Variants in FILIP1L observed in about 807,000 individuals in gnomAD.
The protein encoded by FILIP1L is filamin A-interacting protein 1-like.
FILIP1L carries 55 observed loss-of-function variants against 96.6 expected under a neutral mutation model. That is an observed-to-expected ratio of 0.57 (90% CI 0.46 to 0.71). FILIP1L has a LOEUF of 0.71. FILIP1L is among the 30% of genes least tolerant of loss of function. The pLI, the probability that FILIP1L is intolerant of heterozygous loss-of-function variation, is 0.00. For missense variants in FILIP1L, 1,304 were observed against 1,321.2 expected (o/e 0.99, Z 0.20); for synonymous variants, 467 against 473.9 (o/e 0.99, Z 0.19).
At chr3:100,058,820 T>C (rs1454782521) in intron 1 of FILIP1L, among the ~76,000 whole-genome samples, 2 of 152,222 alleles carry the variant, frequency 1.3e-5, no homozygotes, top group Non-Finnish European at 1.5e-5. Flanking sequence ...GGAGCCACAG[T>C]TTCATATGTG....
At chr3:99,882,849 C>A (rs1215887949) in intron 4 of FILIP1L, among the ~76,000 whole-genome samples, 2 of 152,126 alleles carry the variant, frequency 1.3e-5, no homozygotes, top group African/African-American at 4.8e-5. Flanking sequence ...GAAATGTTTT[C>A]TTTTGTTGCA....
At chr3:99,927,096 TC>T (rs1707316730) in intron 3 of FILIP1L, among the ~76,000 whole-genome samples, 1 of 152,212 alleles carries the variant, frequency 6.6e-6, no homozygotes, top group African/African-American at 2.4e-5. Flanking sequence ...ACACTGGACT[TC>T]AGGCAGTTCT....
Position 100,110,483 on chromosome 3 carries a change from C to G in FILIP1L, c.-11+3570G>C, listed in dbSNP as rs142961859. ...GATCCATCATGAAGATACCTGTCATCCATTTCAAGCCACAAATAGAGAAAA... is the reference window on the plus strand; with the variant it reads ...GATCCATCATGAAGATACCTGTCATGCATTTCAAGCCACAAATAGAGAAAA... On this transcript the variant is annotated intron_variant, in intron 1 of 5. Coordinates refer to ENST00000477258, the MANE Select transcript of FILIP1L (RefSeq NM_001387850.1). 8.7e-3 allele frequency among the ~76,000 whole-genome samples: 1,327 copies of G among 152,214 alleles called. 8 individuals are homozygous for G. The highest frequency in any genetic ancestry group is 0.02 in the Middle Eastern group (6 of 294).
Position 99,830,564 on chromosome 3 carries a change from A to G in FILIP1L, c.3423T>C (p.Pro1141=), listed in dbSNP as rs1234078300. The G allele has an allele frequency of 4.4e-6, 2 of 456,570 alleles. No homozygotes were observed. Among genetic ancestry groups the G allele is most frequent in the Admixed American group, 2.3e-5 (1 of 42,566 alleles). The allele number at this position is 456,570 out of a possible 1,614,324, so 28.3% of individuals were successfully genotyped here. A position where few individuals can be genotyped will look rare whatever the true frequency, so the allele number is the denominator to read the frequency against. The change falls in exon 6 of 6, where the codon CCT becomes CCC. Residue 1141 remains proline (P), a synonymous_variant. Transcript: ENST00000477258. The part of the protein sequence containing the change: ...VCKQRIPARI[P]KPKSTGITKI... ...TGGTGATGCCTGTAGATTTCGGTTT[A>G]GGGATCCGTGCTGGGATTCTCTGCT...
intron 1 of FILIP1L, chr3:100,023,316 C>T (rs2064859126): frequency 2.0e-5 from 3 of 152,632 alleles, no homozygotes; most frequent in African/African-American, 7.2e-5. Flanking sequence ...TTTATGCAAA[C>T]AGAGCCTGGC....
intron 5 of FILIP1L, among the ~76,000 whole-genome samples, chr3:99,845,506 G>C (rs1292275112): frequency 2.0e-5 from 3 of 152,122 alleles, no homozygotes; most frequent in Non-Finnish European, 4.4e-5. Context: ...TTCATATGAA[G>C]ATTTCTGAAG....
chr3:99,862,885 G>A (rs1257931758), intron 4 of FILIP1L, among the ~76,000 whole-genome samples: 1 of 152,144 alleles, frequency 6.6e-6, no homozygotes, highest in Non-Finnish European at 1.5e-5. Context: ...TGCTGTGAAT[G>A]TCCAATATCC....
chr3:99,938,062 T>G (rs1559696093), intron 1 of FILIP1L, among the ~76,000 whole-genome samples: 1 of 92,048 alleles, frequency 1.1e-5, no homozygotes, highest in Non-Finnish European at 2.2e-5. Context: ...TGTGTGTGTG[T>G]GTGTGTGTGT....
At chr3:100,096,527 C>T (rs1170384199) in intron 1 of FILIP1L, among the ~76,000 whole-genome samples, 1 of 152,008 alleles carries the variant, frequency 6.6e-6, no homozygotes, top group Non-Finnish European at 1.5e-5. Context: ...ACAAACATCA[C>T]ATGTTCTGAC....
At chr3:99,971,718 G>T (rs1708827718) in intron 1 of FILIP1L, among the ~76,000 whole-genome samples, 1 of 152,172 alleles carries the variant, frequency 6.6e-6, no homozygotes, top group South Asian at 2.1e-4. Flanking sequence ...AGTCTGTATG[G>T]TAGGGTCTAG....
chr3:100,042,333 A>G (rs2065218929), intron 1 of FILIP1L, among the ~76,000 whole-genome samples: 1 of 152,310 alleles, frequency 6.6e-6, no homozygotes, highest in African/African-American at 2.4e-5. Flanking sequence ...AAGACCAGCC[A>G]GTAACAAAAA....
intron 4 of FILIP1L, among the ~76,000 whole-genome samples, chr3:99,879,004 G>A (rs1705631801): frequency 6.6e-6 from 1 of 152,192 alleles, no homozygotes; most frequent in Admixed American, 6.5e-5. Context: ...CCTCAAAATT[G>A]GATGAGAGAG....
intron 1 of FILIP1L, among the ~76,000 whole-genome samples, chr3:99,984,042 A>ATGTGTGTGTGTGTGTGTG (rs1709253903): frequency 6.4e-5 from 1 of 15,510 alleles, no homozygotes; most frequent in Non-Finnish European, 1.2e-4. Context: ...ATGAAAAAGG[A>ATGTGTGTGTGTGTGTGTG]TGTATATGTA....
chr3:100,110,548 A>G (rs1327366674), intron 1 of FILIP1L, among the ~76,000 whole-genome samples: 1 of 152,214 alleles, frequency 6.6e-6, no homozygotes, highest in African/African-American at 2.4e-5. Flanking sequence ...ACAAACTTTA[A>G]ATACATGTAC....
At chr3:99,987,236 G>GA (rs1227204798) in intron 1 of FILIP1L, among the ~76,000 whole-genome samples, 43 of 107,930 alleles carry the variant, frequency 4.0e-4, no homozygotes, top group African/African-American at 8.1e-4. Context: ...CTCTTAAGGG[G>GA]AAAAAAAAAA....
At chr3:99,910,042 C>T (rs758759242) in intron 4 of FILIP1L, among the ~76,000 whole-genome samples, 6 of 100,398 alleles carry the variant, frequency 6.0e-5, no homozygotes, top group Non-Finnish European at 9.9e-5. Context: ...CAGTGAAGGG[C>T]TTCAGTGTGG....
intron 1 of FILIP1L, among the ~76,000 whole-genome samples, chr3:100,032,846 T>C (rs1386141056): frequency 6.6e-6 from 1 of 152,172 alleles, no homozygotes; most frequent in Non-Finnish European, 1.5e-5. Context: ...TTAACTATTT[T>C]TTGAGCTGCT....
At chr3:100,050,935 A>G (rs1457458781) in intron 1 of FILIP1L, among the ~76,000 whole-genome samples, 2 of 152,182 alleles carry the variant, frequency 1.3e-5, no homozygotes, top group African/African-American at 4.8e-5. Flanking sequence ...GTCTTCAAGA[A>G]TTTGATCCAA....
chr3:99,982,999 C>G (rs1356522442), intron 1 of FILIP1L, among the ~76,000 whole-genome samples: 1 of 152,092 alleles, frequency 6.6e-6, no homozygotes, highest in Non-Finnish European at 1.5e-5. Context: ...CACATATAAG[C>G]TGTGCTTTTG....
Sources: gnomAD v4.1 joint callset for allele counts (sites outside exome capture counted in the v4.1 genomes callset) on GRCh38, gnomAD v4.1.1 for gene constraint, MANE v1.5 for transcripts, NCBI Gene and HGNC (gene_info 2026-07-23, HGNC 2026-07-21) for gene names.